The following HS3ST1 variants were observed in gnomAD, a reference collection of about 807,000 sequenced individuals.
HS3ST1 encodes heparan sulfate glucosamine 3-O-sulfotransferase 1.
In HS3ST1, 8 loss-of-function variants were observed where a neutral mutation model predicts 20.7. The ratio of observed to expected loss-of-function variants is 0.39; its 90% CI spans 0.23 to 0.70. The LOEUF is 0.70. Ranked by LOEUF, HS3ST1 falls within the 30% of genes least tolerant of loss-of-function variation. The pLI is 0.46. For synonymous variants in HS3ST1, 205 were observed against 190.4 expected (o/e 1.08, Z -0.63); for missense variants, 436 against 423.4 (o/e 1.03, Z -0.26).
At chr4:11,430,433 TG>T (rs1234182621), upstream of HS3ST1, among the ~76,000 whole-genome samples, 2 of 152,192 alleles carry the variant, frequency 1.3e-5, no homozygotes, top group Non-Finnish European at 2.9e-5. Context: ...TGTGTGAGGT[TG>T]TGAGGGTCAA....
At chr4:11,430,538 C>T (rs144825333), upstream of HS3ST1, among the ~76,000 whole-genome samples, 344 of 152,276 alleles carry the variant, frequency 2.3e-3, 1 homozygote, top group African/African-American at 7.8e-3. Context: ...CTTCAAAATA[C>T]GGGGTGGTTT....
intron 1 of HS3ST1, among the ~76,000 whole-genome samples, chr4:11,415,818 A>C (rs1718765759): frequency 6.6e-6 from 1 of 152,232 alleles, no homozygotes; most frequent in Non-Finnish European, 1.5e-5. Context: ...AGGTGATGAC[A>C]ATCTTAAACC....
At chr4:11,414,986 G>A (rs970416325) in intron 1 of HS3ST1, among the ~76,000 whole-genome samples, 1 of 152,192 alleles carries the variant, frequency 6.6e-6, no homozygotes, top group Non-Finnish European at 1.5e-5. Context: ...AACCCACTGT[G>A]TAAGGGGAAA....
Position 11,399,154 on chromosome 4 carries a change from T to A in HS3ST1, c.852A>T (p.Lys284Asn). ...TTGGCTCATGAAAATATTCGTGCAG[T>A]TTATTGAGTAGTTTGGGATCGACTT... ...HPQVDPKLLN[K>N]LHEYFHEPNK... The change falls in exon 2 of 2, where the codon AAA (lysine) becomes AAT (asparagine). Residue 284 changes from lysine (K) to asparagine (N), a missense_variant. Coordinates refer to ENST00000002596, the MANE Select transcript of HS3ST1 (RefSeq NM_005114.4). This position sits in a 1 kb window ranked among gnomAD's most constrained non-coding sequence, Gnocchi z 5.1. The A allele has an allele frequency of 6.2e-7, 1 of 1,614,144 alleles. No individual in the cohort carries two copies. The highest frequency in any genetic ancestry group is 8.5e-7 in the Non-Finnish European group (1 of 1,180,004).
rs754885429 is a variant in HS3ST1 at position 11,398,283 on chromosome 4, G to A, written c.*799C>T. 2.6e-5 allele frequency: 4 copies of A among 152,164 alleles called. No homozygotes were observed. The highest frequency in any genetic ancestry group is 4.4e-5 in the Non-Finnish European group (3 of 68,046). 9.4% of individuals were successfully genotyped at this position (152,164 alleles called of 1,614,324 possible). A position where few individuals can be genotyped will look rare whatever the true frequency, so the allele number is the denominator to read the frequency against. On this transcript the variant is annotated 3_prime_UTR_variant, in exon 2 of 2. Transcript: ENST00000002596. ...CAGGATGAAGACACGCATAGATTTC[G>A]CAGTTTCTCTTTTCTATTCTAATTG...
intron 1 of HS3ST1, among the ~76,000 whole-genome samples, chr4:11,423,021 CAAAAAAAAAAAAAAAA>C (rs71181101): frequency 2.9e-5 from 1 of 34,386 alleles, no homozygotes; most frequent in Non-Finnish European, 4.9e-5. Context: ...GAGACACCGT[CAAAAAAAAAAAAAAAA>C]AAAAAAAAAA....
At chr4:11,419,908 A>G (rs1718884842) in intron 1 of HS3ST1, among the ~76,000 whole-genome samples, 1 of 152,258 alleles carries the variant, frequency 6.6e-6, no homozygotes, top group African/African-American at 2.4e-5. Flanking sequence ...TGCACATGAA[A>G]TAAAATCTGT....
Position 11,399,062 on chromosome 4 carries a change from T to G in HS3ST1, c.*20A>C. The G allele has an allele frequency of 6.3e-7, 1 of 1,588,614 alleles. No homozygotes were observed. ...CCAGAACTTACAGTAGGAAAGTTTCTGAGCTTAGCTTATTGCAAATCAGTG... is the reference window on the plus strand; with the variant it reads ...CCAGAACTTACAGTAGGAAAGTTTCGGAGCTTAGCTTATTGCAAATCAGTG... On this transcript the variant is annotated 3_prime_UTR_variant, in exon 2 of 2. Coordinates refer to ENST00000002596, the MANE Select transcript of HS3ST1 (RefSeq NM_005114.4). The surrounding 1 kb of genome is among the most constrained non-coding windows in gnomAD (Gnocchi z 5.1).
chr4:11,400,198 G>T, intron 1 of HS3ST1, 85 bp from the exon 2 acceptor site: 1 of 1,178,814 alleles, frequency 8.5e-7, no homozygotes, highest in Non-Finnish European at 1.1e-6. Flanking sequence ...CTGTAGTGAG[G>T]CCTATATTCA....
chr4:11,399,837 T>C lies in HS3ST1; in HGVS notation c.169A>G (p.Thr57Ala). Residue 57 changes from threonine (T) to alanine (A), a missense_variant, in exon 2 of 2, where the codon ACC becomes GCC. By Grantham distance (58) the Thr-to-Ala change is moderately conservative (BLOSUM62 0). Transcript: ENST00000002596. This position sits in a 1 kb window ranked among gnomAD's most constrained non-coding sequence, Gnocchi z 5.1. ...PNGSAQQLPQTIIIGVRKGGT... is the reference protein window; with the variant it reads ...PNGSAQQLPQAIIIGVRKGGT... Reference sequence around the variant, plus strand: ...CCCTTGCGCACGCCGATGATGATGGTCTGCGGCAACTGCTGGGCAGAGCCG... The same window carrying C: ...CCCTTGCGCACGCCGATGATGATGGCCTGCGGCAACTGCTGGGCAGAGCCG... The C allele has an allele frequency of 6.2e-7, 1 of 1,612,902 alleles. No homozygotes were observed. Among genetic ancestry groups the C allele is most frequent in the Middle Eastern group, 1.6e-4 (1 of 6,062 alleles).
intron 1 of HS3ST1, among the ~76,000 whole-genome samples, chr4:11,407,719 TAC>T (rs1718508191): frequency 6.6e-6 from 1 of 152,238 alleles, no homozygotes; most frequent in Non-Finnish European, 1.5e-5. Flanking sequence ...GGCTGCAAGT[TAC>T]AGTCATCAGG....
chr4:11,426,040 G>C (rs1029975252), intron 1 of HS3ST1, among the ~76,000 whole-genome samples: 3 of 152,160 alleles, frequency 2.0e-5, no homozygotes, highest in Admixed American at 6.5e-5. Flanking sequence ...TGCAACAACT[G>C]TCTCTAACAC....
intron 1 of HS3ST1, among the ~76,000 whole-genome samples, chr4:11,413,783 A>G (rs1377025732): frequency 6.6e-6 from 1 of 150,904 alleles, no homozygotes; most frequent in East Asian, 2.0e-4. Flanking sequence ...TCGATAATGG[A>G]CTGAGAGATC....
At chr4:11,415,413 T>C (rs1336375680) in intron 1 of HS3ST1, among the ~76,000 whole-genome samples, 2 of 152,222 alleles carry the variant, frequency 1.3e-5, no homozygotes, top group Non-Finnish European at 2.9e-5. Context: ...TTAGCCCACC[T>C]GACATATGAT....
At chr4:11,427,220 C>G (rs1719083584) in intron 1 of HS3ST1, among the ~76,000 whole-genome samples, 1 of 152,168 alleles carries the variant, frequency 6.6e-6, no homozygotes, top group South Asian at 2.1e-4. Context: ...AATGAAGGAT[C>G]CTGCCTGTGC....
At chr4:11,431,502 A>G (rs1350702905), upstream of HS3ST1, among the ~76,000 whole-genome samples, 1 of 152,206 alleles carries the variant, frequency 6.6e-6, no homozygotes, top group East Asian at 1.9e-4. Context: ...AGCACCTAGT[A>G]TGTGTACAAC....
chr4:11,399,696 G>A lies in HS3ST1; in HGVS notation c.310C>T (p.Leu104Phe), dbSNP rs1718262147. 1 of 1,613,846 alleles carries A rather than the reference G, an allele frequency of 6.2e-7. No homozygotes were observed. The highest frequency in any genetic ancestry group is 8.5e-7 in the Non-Finnish European group (1 of 1,180,004). Residue 104 changes from leucine to phenylalanine, a missense_variant, in exon 2 of 2, where the codon CTC becomes TTC. Leu to Phe is a conservative substitution (Grantham distance 22, BLOSUM62 0). Coordinates refer to ENST00000002596, the MANE Select transcript of HS3ST1 (RefSeq NM_005114.4). The surrounding 1 kb of genome is among the most constrained non-coding windows in gnomAD (Gnocchi z 5.1). ...EHYSHGLGWY[L>F]SQMPFSWPHQ... ...GGCCAGGAGAAGGGCATCTGGCTGA[G>A]GTACCAGCCCAAGCCGTGGCTGTAA...
At chr4:11,423,411 C>T (rs1019324024) in intron 1 of HS3ST1, among the ~76,000 whole-genome samples, 10 of 152,288 alleles carry the variant, frequency 6.6e-5, no homozygotes, top group African/African-American at 1.9e-4. Context: ...TATGTTGAGC[C>T]AGAGACTGAA....
intron 1 of HS3ST1, among the ~76,000 whole-genome samples, chr4:11,425,957 C>T (rs929968772): frequency 6.6e-6 from 1 of 152,092 alleles, no homozygotes; most frequent in Non-Finnish European, 1.5e-5. Context: ...CTGGGAATAG[C>T]CCTGATATTT....
Sources: allele counts gnomAD v4.1 joint callset (sites outside exome capture counted in the v4.1 genomes callset), GRCh38; gene constraint gnomAD v4.1.1; non-coding constraint Gnocchi (gnomAD v3.1); transcripts MANE v1.5; gene names NCBI Gene and HGNC (gene_info 2026-07-23, HGNC 2026-07-21).